GPC6: variants seen among roughly 807,000 people sequenced by gnomAD.
The protein encoded by GPC6 is glypican-6.
GPC6 carries 14 observed loss-of-function variants against 55.2 expected under a neutral mutation model. The ratio of observed to expected loss-of-function variants is 0.25; its 90% CI spans 0.17 to 0.40. The LOEUF (loss-of-function observed/expected upper bound fraction) is 0.40. GPC6 is among the 10% of genes least tolerant of loss of function. The pLI, the probability that GPC6 is intolerant of heterozygous loss-of-function variation, is 1.00. For synonymous variants in GPC6, 278 were observed against 259.6 expected, an observed-to-expected ratio of 1.07 and a Z score of -0.68; for missense variants, 641 against 708.5, an observed-to-expected ratio of 0.90 and a Z score of 1.08.
chr13:93,984,673 A>G (rs1210492542), intron 3 of GPC6, among the ~76,000 whole-genome samples: 1 of 152,224 alleles, frequency 6.6e-6, no homozygotes, highest in South Asian at 2.1e-4. Flanking sequence ...GAATCTTCAA[A>G]GAGAATTTCA....
intron 4 of GPC6, among the ~76,000 whole-genome samples, chr13:94,094,600 C>A (rs1885600223): frequency 6.6e-6 from 1 of 152,090 alleles, no homozygotes; most frequent in African/African-American, 2.4e-5. Flanking sequence ...TATATGAACA[C>A]TGCTTTATAA....
intron 2 of GPC6, among the ~76,000 whole-genome samples, chr13:93,787,434 G>A (rs1885848651): frequency 6.6e-6 from 1 of 152,144 alleles, no homozygotes; most frequent in Non-Finnish European, 1.5e-5. Context: ...ACGGGCAATG[G>A]GCCAGATTTG....
intron 3 of GPC6, among the ~76,000 whole-genome samples, chr13:93,944,422 T>G (rs772115756): frequency 1.3e-5 from 2 of 152,096 alleles, no homozygotes; most frequent in Non-Finnish European, 2.9e-5. Flanking sequence ...GCCAGGATGG[T>G]CTCGATCTCC....
At chr13:94,122,054 A>G (rs868248027) in intron 4 of GPC6, among the ~76,000 whole-genome samples, 2 of 152,268 alleles carry the variant, frequency 1.3e-5, no homozygotes, top group Admixed American at 6.5e-5. Flanking sequence ...ACCCTAAAAG[A>G]TAGACTATGT....
chr13:94,339,751 C>CCTTTTTT (rs1877925433), intron 6 of GPC6, among the ~76,000 whole-genome samples: 1 of 63,794 alleles, frequency 1.6e-5, no homozygotes, highest in Non-Finnish European at 2.9e-5. Context: ...GCATACTTTC[C>CCTTTTTT]TTTTTTTTTT....
intron 4 of GPC6, among the ~76,000 whole-genome samples, chr13:94,195,846 G>T (rs1193744593): frequency 6.6e-6 from 1 of 152,244 alleles, no homozygotes; most frequent in Admixed American, 6.5e-5. Context: ...TGTAGTTTAC[G>T]GGTGACTAAG....
intron 1 of GPC6, among the ~76,000 whole-genome samples, chr13:93,404,710 C>A (rs568625398): frequency 6.6e-6 from 1 of 151,966 alleles, no homozygotes; most frequent in East Asian, 1.9e-4. Flanking sequence ...GTCTTTCTTA[C>A]GGAGGTAATA....
intron 1 of GPC6, among the ~76,000 whole-genome samples, chr13:93,318,199 G>A (rs535393252): frequency 2.0e-5 from 3 of 152,102 alleles, no homozygotes; most frequent in African/African-American, 7.2e-5. Flanking sequence ...TTCTCCCTCC[G>A]TCCATAGCCA....
At chr13:93,920,231 TC>T (rs143976686) in intron 3 of GPC6, among the ~76,000 whole-genome samples, 3,271 of 152,206 alleles carry the variant, frequency 0.021, 58 homozygotes, top group East Asian at 0.081. Context: ...AATTCTTTTT[TC>T]TCTATCTTTT....
At chr13:94,373,042 T>C (rs1369539570) in intron 6 of GPC6, among the ~76,000 whole-genome samples, 4 of 152,144 alleles carry the variant, frequency 2.6e-5, no homozygotes, top group Non-Finnish European at 4.4e-5. Context: ...AGAAAGGACA[T>C]CCACACCAAA....
chr13:93,713,399 C>T (rs1952376665), intron 2 of GPC6, among the ~76,000 whole-genome samples: 1 of 151,614 alleles, frequency 6.6e-6, no homozygotes, highest in South Asian at 2.1e-4. Flanking sequence ...AGACAAATTA[C>T]TGCCAAGACT....
intron 3 of GPC6, among the ~76,000 whole-genome samples, chr13:93,880,258 A>T (rs1425410027): frequency 6.6e-6 from 1 of 151,860 alleles, no homozygotes; most frequent in Admixed American, 6.6e-5. Flanking sequence ...ATAAAGACAC[A>T]TGCACACGTA....
At chr13:93,656,971 A>G (rs1473688988) in intron 2 of GPC6, among the ~76,000 whole-genome samples, 2 of 152,110 alleles carry the variant, frequency 1.3e-5, no homozygotes, top group Non-Finnish European at 2.9e-5. Context: ...TAAATGGTAA[A>G]ACATTCCATG....
intron 4 of GPC6, among the ~76,000 whole-genome samples, chr13:94,040,715 A>G (rs1883501096): frequency 6.6e-6 from 1 of 151,856 alleles, no homozygotes; most frequent in African/African-American, 2.4e-5. Flanking sequence ...GGCTGCATTC[A>G]GTCTTCCAGT....
rs561147655 is a variant in GPC6 at position 94,006,646 on chromosome 13, C to T, written c.712-21083C>T. Among the ~76,000 whole-genome samples the T allele has an allele frequency of 1.6e-4, 24 of 152,276 alleles. No homozygotes were observed. The South Asian group carries it at 5.0e-3, about 32-fold the overall frequency. ...ATTCAAAGTGGAGTCACTTTTCCCTCCCCTGGTGCTGACATTGAAATGGGT... is the reference window on the plus strand; with the variant it reads ...ATTCAAAGTGGAGTCACTTTTCCCTTCCCTGGTGCTGACATTGAAATGGGT... On this transcript the variant is annotated intron_variant, in intron 3 of 8. Transcript: ENST00000377047.
chr13:93,761,672 T>A (rs1362536909), intron 2 of GPC6, among the ~76,000 whole-genome samples: 2 of 152,170 alleles, frequency 1.3e-5, no homozygotes, highest in East Asian at 3.9e-4. Context: ...ACCGGGCTAA[T>A]TTTTTAAAAT....
intron 4 of GPC6, among the ~76,000 whole-genome samples, chr13:94,167,193 T>C (rs1033667935): frequency 1.3e-5 from 2 of 152,194 alleles, no homozygotes; most frequent in Admixed American, 6.5e-5. Flanking sequence ...TGACAACTTA[T>C]GGTCCAAAGT....
At chr13:93,521,290 A>C (rs2813606) in intron 1 of GPC6, among the ~76,000 whole-genome samples, 143,124 of 151,816 alleles carry the variant, frequency 0.94, 68,030 homozygotes, top group East Asian at 1. Flanking sequence ...GGGAAGATTT[A>C]TTTTCTTTTC....
At chr13:93,442,318 ACTGCAGC>A (rs1877835893) in intron 1 of GPC6, among the ~76,000 whole-genome samples, 1 of 152,188 alleles carries the variant, frequency 6.6e-6, no homozygotes, top group African/African-American at 2.4e-5. Flanking sequence ...TGAAATTGCT[ACTGCAGC>A]CTCCTGGTTT....
Sources: gnomAD v4.1 joint callset for allele counts (sites outside exome capture counted in the v4.1 genomes callset) on GRCh38, gnomAD v4.1.1 for gene constraint, MANE v1.5 for transcripts, NCBI Gene and HGNC (gene_info 2026-07-23, HGNC 2026-07-21) for gene names.